Variants in ZRANB1 observed in about 807,000 individuals in gnomAD.
ZRANB1 encodes ubiquitin thioesterase ZRANB1.
Under a neutral mutation model 80.5 loss-of-function variants are expected in ZRANB1, and 16 were observed. That is an observed-to-expected ratio of 0.20 (90% CI 0.13 to 0.30). ZRANB1 has a LOEUF of 0.30. ZRANB1 is among the 10% of genes least tolerant of loss of function. ZRANB1 has a pLI of 1.00. For synonymous variants in ZRANB1, 291 were observed against 293.1 expected (o/e 0.99, Z 0.07); for missense variants, 576 against 862.6 (o/e 0.67, Z 4.16).
At chr10:124,971,032 C>T (rs1162699818) in intron 2 of ZRANB1, among the ~76,000 whole-genome samples, 1 of 151,986 alleles carries the variant, frequency 6.6e-6, no homozygotes, top group Non-Finnish European at 1.5e-5. Context: ...TCATGTTGGC[C>T]AGGCTGGTCT....
chr10:124,920,986 CTTTATGG>C, the ZRANB1 span, among the ~76,000 whole-genome samples: 4 of 152,050 alleles, frequency 2.6e-5, no homozygotes, highest in African/African-American at 9.7e-5. Context: ...GTTTCTGGGA[CTTTATGG>C]TTTATGAGAC....
At chr10:124,961,223 C>G (rs1176333797) in intron 1 of ZRANB1, among the ~76,000 whole-genome samples, 1 of 151,958 alleles carries the variant, frequency 6.6e-6, no homozygotes, top group South Asian at 2.1e-4. Context: ...CCAGACTGGT[C>G]TTGAACTCCT....
chr10:124,966,786 GTT>G lies in ZRANB1; in HGVS notation c.1002+7_1002+8del, dbSNP rs1564963220. 6.2e-7 allele frequency: 1 copy of G among 1,605,120 alleles called. No individual in the cohort carries two copies. Among genetic ancestry groups the G allele is most frequent in the Admixed American group, 1.7e-5 (1 of 59,302 alleles). On this transcript the variant is annotated splice_donor_region_variant and intron_variant, in intron 2 of 8. Transcript: ENST00000359653. Reference sequence around the variant, plus strand: ...CTAGCAATATTGCTTACAGAGGTAAGTTTGGCGTTTTGGTTAAATGTTCTTTT... The same window carrying G: ...CTAGCAATATTGCTTACAGAGGTAAGTGGCGTTTTGGTTAAATGTTCTTTT...
In ZRANB1 at chr10:124,986,982, T is replaced by TATC. The variant is rs1554942076; in HGVS notation, c.*1992_*1994dup. 7 of 152,494 alleles carry TATC rather than the reference T, an allele frequency of 4.6e-5. No homozygotes were observed. Among genetic ancestry groups the TATC allele is most frequent in the African/African-American group, 1.7e-4 (7 of 41,418 alleles). The allele number at this position is 152,494 out of a possible 1,614,324, so 9.4% of individuals were successfully genotyped here. ...AGCGCTCTATTATTTATTTATTTAT[T>TATC]ATCAATCAGTGACCCTGACCACATA... On this transcript the variant is annotated 3_prime_UTR_variant, in exon 9 of 9. Transcript: ENST00000359653.
intron 1 of ZRANB1, among the ~76,000 whole-genome samples, chr10:124,966,358 C>G (rs918095520): frequency 1.3e-5 from 2 of 152,076 alleles, no homozygotes; most frequent in South Asian, 4.2e-4. Context: ...CTCACCAGAG[C>G]CTGGAGCCTG....
upstream of ZRANB1, among the ~76,000 whole-genome samples, chr10:124,941,374 GA>G (rs1951535294): frequency 6.6e-6 from 1 of 152,102 alleles, no homozygotes; most frequent in Admixed American, 6.6e-5. Context: ...GGGGGCAGGG[GA>G]TGGAGTCTCA....
chr10:124,976,003 G>T (rs2133989392), intron 5 of ZRANB1, among the ~76,000 whole-genome samples: 1 of 152,260 alleles, frequency 6.6e-6, no homozygotes, highest in South Asian at 2.1e-4. Context: ...AGACTGTCTT[G>T]TGGGGAGCGG....
the ZRANB1 span, among the ~76,000 whole-genome samples, chr10:124,918,457 T>A: frequency 6.6e-6 from 1 of 152,254 alleles, no homozygotes; most frequent in Non-Finnish European, 1.5e-5. Context: ...TCCAAAGTCC[T>A]GGATTATAGG....
chr10:124,932,280 GATTTTTTTTTTT>G, the ZRANB1 span, among the ~76,000 whole-genome samples: 11 of 126,894 alleles, frequency 8.7e-5, no homozygotes, highest in East Asian at 2.4e-3. Context: ...CGGGTGTAAA[GATTTTTTTTTTT>G]TTTTTTTTTT....
At chr10:124,963,687 C>T (rs770829641) in intron 1 of ZRANB1, among the ~76,000 whole-genome samples, 2 of 150,838 alleles carry the variant, frequency 1.3e-5, no homozygotes, top group Non-Finnish European at 2.9e-5. Flanking sequence ...GAACCAACCA[C>T]GTCTACAACA....
chr10:124,974,468 A>G (rs1951856648), intron 5 of ZRANB1, 70 bp downstream of exon 5: 7 of 1,478,480 alleles, frequency 4.7e-6, no homozygotes, highest in South Asian at 4.6e-5. Context: ...TAGTGGTGGG[A>G]TACTTTTTAT....
intron 1 of ZRANB1, among the ~76,000 whole-genome samples, chr10:124,960,945 A>G (rs1951728174): frequency 6.6e-6 from 1 of 152,060 alleles, no homozygotes; most frequent in African/African-American, 2.4e-5. Context: ...GTTTTGGCAT[A>G]CACTATTTTA....
intron 1 of ZRANB1, among the ~76,000 whole-genome samples, chr10:124,965,790 A>T (rs1033407699): frequency 2.0e-5 from 3 of 152,176 alleles, no homozygotes; most frequent in Admixed American, 6.5e-5. Context: ...TGATACCCAT[A>T]CTTTACCAGA....
At chr10:124,921,355 C>G in the ZRANB1 span, among the ~76,000 whole-genome samples, 1 of 152,306 alleles carries the variant, frequency 6.6e-6, no homozygotes, top group East Asian at 1.9e-4. Flanking sequence ...ATATGTGATT[C>G]ACTACTGCTA....
intron 6 of ZRANB1, among the ~76,000 whole-genome samples, chr10:124,982,399 G>A (rs1951943446): frequency 6.6e-6 from 1 of 152,154 alleles, no homozygotes; most frequent in South Asian, 2.1e-4. Context: ...ACCATCAATA[G>A]GAATGATTTC....
chr10:124,961,005 T>A (rs1951728686), intron 1 of ZRANB1, among the ~76,000 whole-genome samples: 1 of 151,846 alleles, frequency 6.6e-6, no homozygotes, highest in Non-Finnish European at 1.5e-5. Context: ...TTTTGTTTTT[T>A]GTTTTTTTTT....
In ZRANB1 at chr10:124,984,944, T is replaced by TACA; in HGVS notation, c.2080_2082dup (p.Thr694dup). The TACA allele has an allele frequency of 6.2e-7, 1 of 1,613,870 alleles. No individual in the cohort carries two copies. Among genetic ancestry groups the TACA allele is most frequent in the Non-Finnish European group, 8.5e-7 (1 of 1,179,990 alleles). The stretch of plus-strand genomic sequence containing the variant: ...ACCGCTACCGACAGATCCGGCCGTG[T>TACA]ACATCCCTGTCTGATGGAGAGGAAG... On this transcript the variant is annotated inframe_insertion, in exon 9 of 9. Transcript: ENST00000359653.
intron 1 of ZRANB1, among the ~76,000 whole-genome samples, chr10:124,944,251 C>T (rs939704510): frequency 1.3e-5 from 2 of 152,066 alleles, no homozygotes; most frequent in Non-Finnish European, 2.9e-5. Context: ...CTTGCTTTGA[C>T]ATTTGGTCTT....
Position 124,985,034 on chromosome 10 carries a change from T to A in ZRANB1, c.*42T>A. 6.8e-7 allele frequency: 1 copy of A among 1,467,662 alleles called. No homozygotes were observed. Among genetic ancestry groups the A allele is most frequent in the Non-Finnish European group, 9.4e-7 (1 of 1,068,740 alleles). 90.9% of individuals were successfully genotyped at this position (1,467,662 alleles called of 1,614,324 possible). On this transcript the variant is annotated 3_prime_UTR_variant, in exon 9 of 9. Transcript: ENST00000359653. ...GCAGAAGACCAAGGCATCAGATCTGTAATGACCCTAAAGTTAGTGTGGTGC... is the reference window on the plus strand; with the variant it reads ...GCAGAAGACCAAGGCATCAGATCTGAAATGACCCTAAAGTTAGTGTGGTGC...
Sources: allele counts gnomAD v4.1 joint callset (sites outside exome capture counted in the v4.1 genomes callset), GRCh38; gene constraint gnomAD v4.1.1; transcripts MANE v1.5; gene names NCBI Gene and HGNC (gene_info 2026-07-23, HGNC 2026-07-21).